ANKRD17: variants seen among roughly 807,000 people sequenced by gnomAD.
ANKRD17 encodes the protein ankyrin repeat domain 17, also known as ankyrin repeat domain-containing protein 17.
Under a neutral mutation model 229.7 loss-of-function variants are expected in ANKRD17, and 19 were observed. The ratio of observed to expected loss-of-function variants is 0.08; its 90% CI spans 0.06 to 0.12. The LOEUF (loss-of-function observed/expected upper bound fraction) is 0.12. Among genes scored for constraint, ANKRD17 ranks in the 10% least tolerant of loss-of-function variants. The pLI is 1.00. For missense variants in ANKRD17, 2,176 were observed against 3,176.8 expected (o/e 0.68, Z 7.57); for synonymous variants, 1,112 against 1,146.1 (o/e 0.97, Z 0.60).
chr4:73,186,780 G>A (rs1736351583), intron 1 of ANKRD17, among the ~76,000 whole-genome samples: 1 of 152,038 alleles, frequency 6.6e-6, no homozygotes, highest in Non-Finnish European at 1.5e-5. Flanking sequence ...GTTTCTAAGT[G>A]GTTTTTCTGT....
chr4:73,135,834 T>A (rs1005923070), intron 15 of ANKRD17, among the ~76,000 whole-genome samples: 9 of 152,166 alleles, frequency 5.9e-5, no homozygotes, highest in African/African-American at 2.2e-4. Flanking sequence ...GATATTCAAA[T>A]ATAAAAATTT....
intron 1 of ANKRD17, among the ~76,000 whole-genome samples, chr4:73,190,017 C>A (rs1736839113): frequency 6.6e-6 from 1 of 152,160 alleles, no homozygotes; most frequent in Admixed American, 6.5e-5. Context: ...TGATTAAAGA[C>A]AATATCCATT....
At chr4:73,121,410 T>C (rs1470598539) in intron 19 of ANKRD17, among the ~76,000 whole-genome samples, 1 of 152,198 alleles carries the variant, frequency 6.6e-6, no homozygotes, top group Non-Finnish European at 1.5e-5. Context: ...ACATTTAGTA[T>C]CATAAGAAAC....
chr4:73,142,892 C>T, intron 11 of ANKRD17, 125 bp from the exon 12 acceptor site: 1 of 1,054,948 alleles, frequency 9.5e-7, no homozygotes, highest in Non-Finnish European at 1.3e-6. Flanking sequence ...CATTACCGAG[C>T]TTTAATGATT....
intron 2 of ANKRD17, among the ~76,000 whole-genome samples, chr4:73,165,281 A>G (rs1209657504): frequency 3.9e-5 from 6 of 152,224 alleles, no homozygotes; most frequent in Non-Finnish European, 8.8e-5. Flanking sequence ...ACTTGTGAGG[A>G]GTAATCAGAC....
chr4:73,252,869 C>A (rs941603890), intron 1 of ANKRD17, among the ~76,000 whole-genome samples: 3 of 152,010 alleles, frequency 2.0e-5, no homozygotes, highest in Admixed American at 1.3e-4. Context: ...TTCTTGCTTT[C>A]TTTTTCTTTA....
intron 1 of ANKRD17, among the ~76,000 whole-genome samples, chr4:73,256,941 T>C (rs1206589764): frequency 1.3e-5 from 2 of 152,258 alleles, no homozygotes; most frequent in Non-Finnish European, 1.5e-5. Context: ...AAAGAGAATC[T>C]GGTCTTCTAC....
At chr4:73,195,031 T>C (rs1436664138) in intron 1 of ANKRD17, among the ~76,000 whole-genome samples, 2 of 152,216 alleles carry the variant, frequency 1.3e-5, no homozygotes, top group African/African-American at 2.4e-5. Context: ...GATTAATTAT[T>C]GTAACTCTCT....
At position 73,153,870 on chromosome 4, in the gene ANKRD17, TA is replaced by T. The variant is rs781599904; in HGVS notation, c.1234+9del. On this transcript the variant is annotated intron_variant, in intron 6 of 33. Transcript: ENST00000358602. ...TAAAAACTTTGTTTTAAGAAAGGTTTATACTGTACCTTTGTAACAAGCTAAG... is the reference window on the plus strand; with the variant it reads ...TAAAAACTTTGTTTTAAGAAAGGTTTTACTGTACCTTTGTAACAAGCTAAG... 6.5e-7 allele frequency: 1 copy of T among 1,527,024 alleles called. No homozygotes were observed. Among genetic ancestry groups the T allele is most frequent in the Non-Finnish European group, 8.8e-7 (1 of 1,137,530 alleles). 94.6% of individuals were successfully genotyped at this position (1,527,024 alleles called of 1,614,324 possible).
Position 73,083,010 on chromosome 4 carries a change from C to A in ANKRD17, c.7159+2239G>T, listed in dbSNP as rs551467683. On this transcript the variant is annotated intron_variant, in intron 30 of 33. Transcript: ENST00000358602. ...TAGGGGCAAAAGGGCTTGACGTCTA[C>A]AACTAACTGTAAAATAGTTCAGGAA... 2.6e-5 allele frequency among the ~76,000 whole-genome samples: 4 copies of A among 152,164 alleles called. No individual in the cohort carries two copies. In the East Asian group the frequency reaches 7.7e-4, roughly 29 times the overall value.
chr4:73,121,312 G>C (rs1726689221), intron 19 of ANKRD17, among the ~76,000 whole-genome samples: 1 of 152,022 alleles, frequency 6.6e-6, no homozygotes, highest in Admixed American at 6.6e-5. Flanking sequence ...TAATGACTTA[G>C]GCTGGAAGGT....
At chr4:73,217,784 T>C (rs556187787) in intron 1 of ANKRD17, among the ~76,000 whole-genome samples, 21 of 152,184 alleles carry the variant, frequency 1.4e-4, no homozygotes, top group South Asian at 4.1e-4. Flanking sequence ...TAAAAAAAAT[T>C]GCATAAAACT....
At chr4:73,255,841 A>G (rs1365703377) in intron 1 of ANKRD17, among the ~76,000 whole-genome samples, 2 of 151,978 alleles carry the variant, frequency 1.3e-5, no homozygotes, top group Admixed American at 1.3e-4. Context: ...CTCCTGCCTC[A>G]GCCTCCCAAG....
chr4:73,233,857 G>C (rs2149246557), intron 1 of ANKRD17, among the ~76,000 whole-genome samples: 1 of 152,184 alleles, frequency 6.6e-6, no homozygotes, highest in Non-Finnish European at 1.5e-5. Context: ...TAAGAACTTA[G>C]TTATTTGATT....
At chr4:73,192,675 G>C (rs752339198) in intron 1 of ANKRD17, among the ~76,000 whole-genome samples, 4 of 151,968 alleles carry the variant, frequency 2.6e-5, no homozygotes, top group Non-Finnish European at 2.9e-5. Context: ...CATATTTCTA[G>C]AATAAATTCT....
At chr4:73,130,595 A>G (rs1383478075) in intron 16 of ANKRD17, among the ~76,000 whole-genome samples, 2 of 149,378 alleles carry the variant, frequency 1.3e-5, no homozygotes. Context: ...AGAAAGCAAA[A>G]TTCTATAAAG....
At chr4:73,237,738 T>G (rs1366726917) in intron 1 of ANKRD17, among the ~76,000 whole-genome samples, 1 of 152,152 alleles carries the variant, frequency 6.6e-6, no homozygotes, top group Non-Finnish European at 1.5e-5. Context: ...TGCTTTCATA[T>G]TCCCAGAAAA....
At position 73,240,582 on chromosome 4, in the gene ANKRD17, G is replaced by A. The variant is rs75485526; in HGVS notation, c.393+17694C>T. 2.7e-4 allele frequency among the ~76,000 whole-genome samples: 41 copies of A among 152,044 alleles called. 1 individual carries two copies. The East Asian group carries it at 7.7e-3, about 29-fold the overall frequency. ...CGAGGCGGCAGTGAGCTATGATCAT[G>A]CCACTGCCCTCCAGCCTATGCAACA... On this transcript the variant is annotated intron_variant, in intron 1 of 33. Coordinates refer to ENST00000358602, the MANE Select transcript of ANKRD17 (RefSeq NM_032217.5).
chr4:73,151,563 A>G, intron 6 of ANKRD17, 39 bp from the exon 7 acceptor site: 1 of 1,329,638 alleles, frequency 7.5e-7, no homozygotes, highest in Non-Finnish European at 1.0e-6. Context: ...AAAATATTTT[A>G]TTATTCCAAA....
Sources: allele counts gnomAD v4.1 joint callset (sites outside exome capture counted in the v4.1 genomes callset), GRCh38; gene constraint gnomAD v4.1.1; transcripts MANE v1.5; gene names NCBI Gene and HGNC (gene_info 2026-07-23, HGNC 2026-07-21).